Variants in TENM3 observed in about 807,000 individuals in gnomAD.
The protein encoded by TENM3 is teneurin-3.
In TENM3, 63 loss-of-function variants were observed where a neutral mutation model predicts 255.1. That is an observed-to-expected ratio of 0.25 (90% CI 0.20 to 0.30). The LOEUF (loss-of-function observed/expected upper bound fraction) is 0.30. Ranked by LOEUF, TENM3 falls within the 10% of genes least tolerant of loss-of-function variation. The pLI, the probability that TENM3 is intolerant of heterozygous loss-of-function variation, is 1.00. For synonymous variants in TENM3, 1,306 were observed against 1,322.3 expected (o/e 0.99, Z 0.27); for missense variants, 2,929 against 3,461.1 (o/e 0.85, Z 3.86).
the TENM3 span, among the ~76,000 whole-genome samples, chr4:181,752,849 G>GA: frequency 8.7e-4 from 126 of 145,538 alleles, no homozygotes; most frequent in African/African-American, 2.5e-3. Context: ...AAGGAGTACT[G>GA]AAAAAAAAAA....
At chr4:182,530,551 G>C (rs1324646947) in intron 3 of TENM3, among the ~76,000 whole-genome samples, 1 of 152,104 alleles carries the variant, frequency 6.6e-6, no homozygotes, top group Non-Finnish European at 1.5e-5. Context: ...TATTTATTGT[G>C]GGGCTGTGCT....
At chr4:181,776,232 C>T in the TENM3 span, among the ~76,000 whole-genome samples, 13 of 152,080 alleles carry the variant, frequency 8.5e-5, no homozygotes, top group South Asian at 6.2e-4. Flanking sequence ...ATTCCATCCA[C>T]GTCGCTGTAA....
the TENM3 span, among the ~76,000 whole-genome samples, chr4:181,588,565 G>T: frequency 6.6e-6 from 1 of 152,164 alleles, no homozygotes; most frequent in Non-Finnish European, 1.5e-5. Context: ...CGTAGTTCAG[G>T]AATGAAAGCC....
intron 19 of TENM3, chr4:182,744,306 G>C: frequency 1.6e-5 from 6 of 376,700 alleles, no homozygotes; most frequent in Non-Finnish European, 2.2e-5. Flanking sequence ...AATTAAAAGT[G>C]CTTAATTGAA....
intron 3 of TENM3, among the ~76,000 whole-genome samples, chr4:182,448,741 TC>T (rs1372377249): frequency 2.0e-5 from 3 of 151,636 alleles, no homozygotes; most frequent in African/African-American, 7.3e-5. Context: ...TCAGTGCAGT[TC>T]CCCCGTCTTC....
the TENM3 span, among the ~76,000 whole-genome samples, chr4:181,682,057 T>G: frequency 6.6e-6 from 1 of 152,142 alleles, no homozygotes; most frequent in African/African-American, 2.4e-5. Context: ...ATTGCTGAGC[T>G]CTTGAAACCT....
chr4:181,839,345 GTATATATATA>G, the TENM3 span, among the ~76,000 whole-genome samples: 65 of 56,670 alleles, frequency 1.1e-3, no homozygotes, highest in Middle Eastern at 0.011. Flanking sequence ...TGTATTGAGG[GTATATATATA>G]TATATATATA....
At chr4:181,499,439 C>A in the TENM3 span, among the ~76,000 whole-genome samples, 1 of 152,144 alleles carries the variant, frequency 6.6e-6, no homozygotes, top group Non-Finnish European at 1.5e-5. Context: ...CTTAGCAACT[C>A]CTTGATAATT....
At chr4:181,522,788 T>C in the TENM3 span, 1 of 809,606 alleles carries the variant, frequency 1.2e-6, no homozygotes, top group Non-Finnish European at 2.2e-6. Context: ...TGGATCTGGA[T>C]CCTGGTCAAA....
chr4:182,380,024 T>C (rs1430439226), intron 3 of TENM3, among the ~76,000 whole-genome samples: 3 of 152,218 alleles, frequency 2.0e-5, no homozygotes, highest in Admixed American at 2.0e-4. Context: ...ATCCCAGCAC[T>C]TTGGGAGGCC....
the TENM3 span, among the ~76,000 whole-genome samples, chr4:181,757,461 G>C: frequency 6.6e-6 from 1 of 152,028 alleles, no homozygotes; most frequent in Admixed American, 6.6e-5. Flanking sequence ...AAATCGTCAG[G>C]GTGCTGGATG....
chr4:182,089,239 C>A, the TENM3 span, among the ~76,000 whole-genome samples: 26 of 152,298 alleles, frequency 1.7e-4, no homozygotes, highest in African/African-American at 6.3e-4. Flanking sequence ...AACCATTTTA[C>A]AAACAGGTAA....
intron 3 of TENM3, among the ~76,000 whole-genome samples, chr4:182,545,236 T>C (rs1050659660): frequency 2.6e-5 from 4 of 152,236 alleles, no homozygotes; most frequent in African/African-American, 9.6e-5. Flanking sequence ...ATTTACTTGA[T>C]ATGTCTGTTT....
the TENM3 span, among the ~76,000 whole-genome samples, chr4:181,586,444 G>A: frequency 2.6e-3 from 402 of 152,320 alleles, 2 homozygotes; most frequent in Non-Finnish European, 4.2e-3. Context: ...GGAAAGCAGA[G>A]GAGCTATGGG....
the TENM3 span, among the ~76,000 whole-genome samples, chr4:181,836,013 A>G: frequency 1.3e-5 from 2 of 151,852 alleles, no homozygotes; most frequent in Admixed American, 6.6e-5. Context: ...AGTGGGGAGG[A>G]TATGAGTGGT....
At chr4:182,195,041 A>G (rs1753755915) in intron 1 of TENM3, among the ~76,000 whole-genome samples, 1 of 151,334 alleles carries the variant, frequency 6.6e-6, no homozygotes, top group Non-Finnish European at 1.5e-5. Flanking sequence ...ACACACACAC[A>G]CACACACACA....
At chr4:182,506,773 G>A (rs1326942488) in intron 3 of TENM3, among the ~76,000 whole-genome samples, 1 of 152,094 alleles carries the variant, frequency 6.6e-6, no homozygotes, top group Non-Finnish European at 1.5e-5. Flanking sequence ...TGAACTTGGC[G>A]CTGTATACGA....
At chr4:181,565,785 AT>A in the TENM3 span, among the ~76,000 whole-genome samples, 3 of 152,208 alleles carry the variant, frequency 2.0e-5, no homozygotes, top group Non-Finnish European at 4.4e-5. Context: ...TAATCAATTT[AT>A]TTTCTTACAA....
At chr4:182,227,624 T>C (rs1756252889) in intron 1 of TENM3, among the ~76,000 whole-genome samples, 1 of 150,864 alleles carries the variant, frequency 6.6e-6, no homozygotes, top group South Asian at 2.1e-4. Flanking sequence ...TTTCTTCGTG[T>C]AGATGTGCAG....
Sources: gnomAD v4.1 joint callset for allele counts (sites outside exome capture counted in the v4.1 genomes callset) on GRCh38, gnomAD v4.1.1 for gene constraint, MANE v1.5 for transcripts, NCBI Gene and HGNC (gene_info 2026-07-23, HGNC 2026-07-21) for gene names.